The following TSHZ2 variants were observed in gnomAD, a reference collection of about 807,000 sequenced individuals.
TSHZ2 encodes teashirt homolog 2.
In TSHZ2, 21 loss-of-function variants were observed where a neutral mutation model predicts 74.4. The ratio of observed to expected loss-of-function variants is 0.28; its 90% confidence interval spans 0.20 to 0.41. The LOEUF (loss-of-function observed/expected upper bound fraction) is 0.41, where lower values mean the gene tolerates loss of function less well. Ranked by LOEUF, TSHZ2 falls within the 10% of genes least tolerant of loss-of-function variation. The probability of loss-of-function intolerance (pLI) is 1.00; values close to 1 mark genes in which losing one functional copy is unlikely to be tolerated. For synonymous variants in TSHZ2, 540 were observed against 515.3 expected (o/e 1.05, Z -0.65); for missense variants, 1,244 against 1,293.5 (o/e 0.96, Z 0.59).
intron 2 of TSHZ2, among the ~76,000 whole-genome samples, chr20:53,346,935 C>T (rs1211883085): frequency 1.3e-5 from 2 of 152,152 alleles, no homozygotes; most frequent in Non-Finnish European, 2.9e-5. Flanking sequence ...GAAGTAGGTG[C>T]TCAGGATACT....
In TSHZ2 at chr20:53,004,131, G is replaced by A. The variant is rs976887508; in HGVS notation, c.40+30798G>A. On this transcript the variant is annotated intron_variant, in intron 1 of 2. Transcript: ENST00000371497. ...TGACTGTTGCCTGAGCATGGAACAC[G>A]CACCCACTCCCCCCCTCCAATTAAA... Among the ~76,000 whole-genome samples, 8 of 151,798 alleles carry A rather than the reference G, an allele frequency of 5.3e-5. No homozygotes were observed. The South Asian group carries it at 1.0e-3, about 20-fold the overall frequency.
rs767390850 is a variant in TSHZ2, at chr20:53,253,563, C to T, written c.105C>T (p.Asp35=). ...EEIKEEEEEE[D]SGSVAQLQGG... is the part of the protein sequence containing the mutation. ...TAAAAGAAGAGGAGGAGGAGGAGGA[C>T]AGCGGTTCAGTAGCTCAACTGCAGG... Residue 35 remains aspartate (D), a synonymous_variant, in exon 2 of 3, where the codon GAC becomes GAT. Transcript: ENST00000371497. 2.5e-6 allele frequency: 4 copies of T among 1,613,864 alleles called. No homozygotes were observed. The South Asian group carries it at 3.3e-5, about 13-fold the overall frequency.
chr20:53,264,643 A>G (rs533948638), intron 2 of TSHZ2, among the ~76,000 whole-genome samples: 1 of 152,356 alleles, frequency 6.6e-6, no homozygotes, highest in East Asian at 1.9e-4. Context: ...CAAGCTACCC[A>G]GCACTCATGC....
intron 1 of TSHZ2, among the ~76,000 whole-genome samples, chr20:53,125,621 C>A (rs1986927990): frequency 6.6e-6 from 1 of 151,944 alleles, no homozygotes; most frequent in South Asian, 2.1e-4. Context: ...ATCAGGCAAC[C>A]CCCCGGTGAT....
At chr20:52,994,445 A>AATGGATGG (rs377657785) in intron 1 of TSHZ2, among the ~76,000 whole-genome samples, 43,706 of 151,502 alleles carry the variant, frequency 0.29, 7,482 homozygotes, top group Non-Finnish European at 0.4. Flanking sequence ...TGAGTGAATG[A>AATGGATGG]ATGGACGGAT....
At chr20:53,339,421 C>A (rs1168957549) in intron 2 of TSHZ2, among the ~76,000 whole-genome samples, 1 of 152,154 alleles carries the variant, frequency 6.6e-6, no homozygotes, top group Non-Finnish European at 1.5e-5. Flanking sequence ...GTTCCTGAGC[C>A]ACTTTGAACC....
chr20:53,335,823 G>T (rs1392042000), intron 2 of TSHZ2, among the ~76,000 whole-genome samples: 1 of 104,408 alleles, frequency 9.6e-6, no homozygotes, highest in African/African-American at 5.4e-5. Flanking sequence ...TCTGCCAGGC[G>T]GCAAAATCTT....
intron 1 of TSHZ2, among the ~76,000 whole-genome samples, chr20:53,221,886 A>C (rs966147338): frequency 6.6e-6 from 1 of 152,218 alleles, no homozygotes; most frequent in Non-Finnish European, 1.5e-5. Flanking sequence ...TTACTGGGTT[A>C]GTGTTATAGT....
chr20:53,082,423 A>G (rs527371934), intron 1 of TSHZ2, among the ~76,000 whole-genome samples: 1 of 152,356 alleles, frequency 6.6e-6, no homozygotes, highest in African/African-American at 2.4e-5. Context: ...AGGCACCATT[A>G]GTAGTAAAAG....
intron 1 of TSHZ2, among the ~76,000 whole-genome samples, chr20:53,119,853 C>G (rs1269476677): frequency 6.6e-6 from 1 of 152,188 alleles, no homozygotes; most frequent in African/African-American, 2.4e-5. Context: ...TCACAGAAAA[C>G]CTCACAGAAC....
intron 2 of TSHZ2, among the ~76,000 whole-genome samples, chr20:53,281,445 G>A (rs1991059752): frequency 6.6e-6 from 1 of 152,232 alleles, no homozygotes; most frequent in Admixed American, 6.5e-5. Flanking sequence ...AGGCCATACA[G>A]TGTCTACTAC....
At chr20:53,017,335 C>A (rs117180396) in intron 1 of TSHZ2, among the ~76,000 whole-genome samples, 105 of 152,270 alleles carry the variant, frequency 6.9e-4, no homozygotes, top group Non-Finnish European at 6.0e-4. Flanking sequence ...ACAAGTCGTA[C>A]TGAAATAAGT....
chr20:53,157,412 T>G (rs935875455), intron 1 of TSHZ2, among the ~76,000 whole-genome samples: 5 of 151,378 alleles, frequency 3.3e-5, no homozygotes, highest in Non-Finnish European at 7.4e-5. Context: ...GTTGGTTTTT[T>G]TTTTTTTTTT....
intron 1 of TSHZ2, among the ~76,000 whole-genome samples, chr20:53,164,789 C>T (rs548726426): frequency 5.9e-5 from 9 of 152,278 alleles, no homozygotes; most frequent in Non-Finnish European, 1.0e-4. Context: ...CTTTTCCCTA[C>T]GCATTGGCTT....
At chr20:53,015,444 A>C (rs1216752686) in intron 1 of TSHZ2, among the ~76,000 whole-genome samples, 1 of 152,150 alleles carries the variant, frequency 6.6e-6, no homozygotes, top group Non-Finnish European at 1.5e-5. Context: ...CAATACACAG[A>C]ACACCCCCAA....
chr20:53,100,315 A>G (rs1263981335), intron 1 of TSHZ2, among the ~76,000 whole-genome samples: 7 of 152,080 alleles, frequency 4.6e-5, no homozygotes. Context: ...TTTCCAGGTC[A>G]TTGCCCAGGT....
intron 2 of TSHZ2, among the ~76,000 whole-genome samples, chr20:53,482,575 C>A (rs915621720): frequency 6.6e-6 from 1 of 152,168 alleles, no homozygotes. Context: ...CTCATGTACA[C>A]CATAACTATA....
chr20:53,186,739 G>C (rs983339375), intron 1 of TSHZ2, among the ~76,000 whole-genome samples: 1 of 152,070 alleles, frequency 6.6e-6, no homozygotes, highest in Admixed American at 6.6e-5. Context: ...GTCATTCTCT[G>C]TCTGGCATCC....
intron 1 of TSHZ2, among the ~76,000 whole-genome samples, chr20:53,124,144 GGTT>G (rs1291061799): frequency 6.6e-6 from 1 of 152,094 alleles, no homozygotes; most frequent in Non-Finnish European, 1.5e-5. Context: ...AGGGAAATAG[GGTT>G]GGCATTCTTT....
Sources: gnomAD v4.1 joint callset for allele counts (sites outside exome capture counted in the v4.1 genomes callset) on GRCh38, gnomAD v4.1.1 for gene constraint, MANE v1.5 for transcripts, NCBI Gene and HGNC (gene_info 2026-07-23, HGNC 2026-07-21) for gene names.